Variants in MTHFS observed in about 807,000 individuals in gnomAD.
The protein encoded by MTHFS is 5-formyltetrahydrofolate cyclo-ligase.
MTHFS carries 7 observed loss-of-function variants against 12.7 expected under a neutral mutation model. The ratio of observed to expected loss-of-function variants is 0.55; its 90% confidence interval spans 0.31 to 1.03. The LOEUF is 1.03. Among genes scored for constraint, MTHFS ranks in the 50% least tolerant of loss-of-function variants. The pLI is 0.05. For synonymous variants in MTHFS, 100 were observed against 97.1 expected, an observed-to-expected ratio of 1.03 and a Z score of -0.18; for missense variants, 252 against 258.1, an observed-to-expected ratio of 0.98 and a Z score of 0.16.
chr15:79,895,500 G>T (rs765262690), intron 1 of MTHFS, among the ~76,000 whole-genome samples: 1 of 152,092 alleles, frequency 6.6e-6, no homozygotes, highest in Non-Finnish European at 1.5e-5. Context: ...CCACAACCCA[G>T]TATATAGCCA....
intron 1 of MTHFS, among the ~76,000 whole-genome samples, chr15:79,896,571 A>G (rs2034572851): frequency 6.6e-6 from 1 of 152,228 alleles, no homozygotes; most frequent in African/African-American, 2.4e-5. Context: ...TTCGAGCACC[A>G]AAAGAGCCAC....
chr15:79,847,455 C>T (rs933153111), intron 2 of MTHFS, among the ~76,000 whole-genome samples: 9 of 152,086 alleles, frequency 5.9e-5, no homozygotes, highest in Admixed American at 2.0e-4. Context: ...GAGGCAGAGG[C>T]GGGCGGATCA....
chr15:79,889,085 A>G lies in MTHFS; in HGVS notation c.379+8T>C, dbSNP rs1388785442. 1.2e-6 allele frequency: 2 copies of G among 1,614,024 alleles called. No homozygotes were observed. Among genetic ancestry groups the G allele is most frequent in the South Asian group, 2.2e-5 (2 of 91,052 alleles). On this transcript the variant is annotated splice_region_variant and intron_variant, in intron 2 of 2. Transcript: ENST00000258874. ...AATCTAACAACATCCTAACACCATA[A>G]TACTCACCTGTGGACAAGGCCTCCT... is the stretch of plus-strand genomic sequence containing the variant.
chr15:79,889,207 G>A lies in MTHFS; in HGVS notation c.265C>T (p.His89Tyr). ...FIPRYRFQSN[H>Y]MDMVRIESPE... ...GATTCTATTCTCACCATATCCATGT[G>A]ATTGCTCTGGAACCGGTACCGAGGG... The change falls in exon 2 of 3, where the codon CAC (histidine) becomes TAC (tyrosine). Residue 89 changes from histidine (H) to tyrosine (Y), a missense_variant. Transcript: ENST00000258874. 1 of 1,614,178 alleles carries A rather than the reference G, an allele frequency of 6.2e-7. No individual in the cohort carries two copies. The highest frequency in any genetic ancestry group is 8.5e-7 in the Non-Finnish European group (1 of 1,180,044).
chr15:79,844,755 G>C lies in MTHFS; in HGVS notation c.*455C>G, dbSNP rs1407248634. On this transcript the variant is annotated 3_prime_UTR_variant, in exon 3 of 3. Coordinates refer to ENST00000258874, the MANE Select transcript of MTHFS (RefSeq NM_006441.4). ...TGATGAAGTGAGATAATATTCTTAG[G>C]GAATTCTGTATCCAAAGCAAATACC... 6.6e-6 allele frequency among the ~76,000 whole-genome samples: 1 copy of C among 152,106 alleles called. No homozygotes were observed.
chr15:79,859,961 GAAGT>G (rs773943325), intron 2 of MTHFS, among the ~76,000 whole-genome samples: 1 of 151,768 alleles, frequency 6.6e-6, no homozygotes, highest in Non-Finnish European at 1.5e-5. Context: ...AAACTCAAGT[GAAGT>G]AAGAACTCCT....
intron 2 of MTHFS, among the ~76,000 whole-genome samples, chr15:79,861,645 C>T (rs962803373): frequency 6.6e-6 from 1 of 152,144 alleles, no homozygotes; most frequent in Non-Finnish European, 1.5e-5. Context: ...TCAGGATGTT[C>T]TTTTTTATTT....
chr15:79,880,270 C>T (rs1019630649), intron 2 of MTHFS, among the ~76,000 whole-genome samples: 4 of 151,832 alleles, frequency 2.6e-5, no homozygotes, highest in Admixed American at 6.6e-5. Flanking sequence ...TTAGTAAAGA[C>T]GGGGTTTCAA....
intron 1 of MTHFS, among the ~76,000 whole-genome samples, chr15:79,891,590 G>GA (rs1303997847): frequency 6.6e-6 from 1 of 151,938 alleles, no homozygotes; most frequent in Non-Finnish European, 1.5e-5. Context: ...TAGGAAAAAT[G>GA]AAAAAAATGT....
chr15:79,872,683 GC>G (rs1380357401), intron 2 of MTHFS, among the ~76,000 whole-genome samples: 1 of 152,206 alleles, frequency 6.6e-6, no homozygotes, highest in Non-Finnish European at 1.5e-5. Context: ...CCAGGTTGTT[GC>G]CATGGAAAGG....
chr15:79,847,368 T>A (rs1004121970), intron 2 of MTHFS, among the ~76,000 whole-genome samples: 1 of 151,870 alleles, frequency 6.6e-6, no homozygotes, highest in African/African-American at 2.4e-5. Context: ...AAAAACCAAA[T>A]AACCCAATTA....
Position 79,896,872 on chromosome 15 carries a change from CT to C in MTHFS, c.116del (p.Lys39ArgfsTer2). On this transcript the variant is annotated frameshift_variant and splice_region_variant, in exon 1 of 3. Coordinates refer to ENST00000258874, the MANE Select transcript of MTHFS (RefSeq NM_006441.4). LOFTEE classifies it high-confidence loss of function. ...RLRQSRVLSQ[K>X]VIAHSEYQKS... ...GCTTCCGCTACGGGCGGCCTCGCAC[CT>C]TCTGGCTCAGTACGCGGGACTGGCG... The C allele has an allele frequency of 1.3e-6, 2 of 1,542,880 alleles. No individual in the cohort carries two copies. The highest frequency in any genetic ancestry group is 8.7e-7 in the Non-Finnish European group (1 of 1,146,358).
At chr15:79,864,850 AT>A (rs2033982051) in intron 2 of MTHFS, among the ~76,000 whole-genome samples, 1 of 152,176 alleles carries the variant, frequency 6.6e-6, no homozygotes, top group Non-Finnish European at 1.5e-5. Flanking sequence ...CCTGATTTTC[AT>A]TTGCCTAATT....
At chr15:79,881,437 G>A (rs1200937859) in intron 2 of MTHFS, among the ~76,000 whole-genome samples, 1 of 152,190 alleles carries the variant, frequency 6.6e-6, no homozygotes, top group Non-Finnish European at 1.5e-5. Flanking sequence ...TAAAGCCGCT[G>A]CAAAAGATAA....
intron 2 of MTHFS, among the ~76,000 whole-genome samples, chr15:79,873,514 C>T (rs956845094): frequency 3.9e-5 from 6 of 152,120 alleles, no homozygotes; most frequent in African/African-American, 1.4e-4. Context: ...CTGAACATTC[C>T]CTTTTGCAAT....
At chr15:79,872,839 T>C (rs2034130277) in intron 2 of MTHFS, among the ~76,000 whole-genome samples, 1 of 152,174 alleles carries the variant, frequency 6.6e-6, no homozygotes, top group East Asian at 1.9e-4. Context: ...CATTTTATCC[T>C]GTCTGGACCA....
At chr15:79,873,861 T>G (rs2034145767) in intron 2 of MTHFS, among the ~76,000 whole-genome samples, 2 of 152,206 alleles carry the variant, frequency 1.3e-5, no homozygotes, top group South Asian at 2.1e-4. Context: ...TCCCAGTTGG[T>G]GTAAGAGCAT....
At chr15:79,869,959 G>A (rs1252443804) in intron 2 of MTHFS, among the ~76,000 whole-genome samples, 1 of 151,902 alleles carries the variant, frequency 6.6e-6, no homozygotes, top group East Asian at 1.9e-4. Flanking sequence ...CAAAAACAGA[G>A]GAAAGAAGGG....
At chr15:79,872,266 T>G (rs1489214778) in intron 2 of MTHFS, among the ~76,000 whole-genome samples, 1 of 152,214 alleles carries the variant, frequency 6.6e-6, no homozygotes, top group Admixed American at 6.5e-5. Context: ...TTAAGCACAC[T>G]ACAATGAAGA....
Sources: gnomAD v4.1 joint callset for allele counts (sites outside exome capture counted in the v4.1 genomes callset) on GRCh38, gnomAD v4.1.1 for gene constraint, MANE v1.5 for transcripts, NCBI Gene and HGNC (gene_info 2026-07-23, HGNC 2026-07-21) for gene names.